The following IQGAP3 variants were observed in gnomAD, a reference collection of about 807,000 sequenced individuals.
IQGAP3 encodes the protein IQ motif containing GTPase activating protein 3.
Under a neutral mutation model 208.2 loss-of-function variants are expected in IQGAP3, and 165 were observed. That is an observed-to-expected ratio of 0.79 (90% CI 0.70 to 0.90). The LOEUF (loss-of-function observed/expected upper bound fraction) is 0.90. Ranked by LOEUF, IQGAP3 falls within the 40% of genes least tolerant of loss-of-function variation. IQGAP3 has a pLI of 0.00. For missense variants in IQGAP3, 1,811 were observed against 2,043.1 expected (o/e 0.89, Z 2.19); for synonymous variants, 703 against 803.6 (o/e 0.87, Z 2.12).
In IQGAP3 at chr1:156,526,619, G is replaced by C. The variant is rs767119729; in HGVS notation, c.4783-20C>G. ...GAGATCCTAGGAGGGAAGAGGCAGG[G>C]AGGGGAGTTTAAGGGCTTCTGAATG... On this transcript the variant is annotated intron_variant, in intron 37 of 37. Coordinates refer to ENST00000361170, the MANE Select transcript of IQGAP3 (RefSeq NM_178229.5). 5.1e-6 allele frequency: 8 copies of C among 1,570,488 alleles called. No homozygotes were observed. In the South Asian group the frequency reaches 8.9e-5, roughly 17 times the overall value.
rs1571310993 is a variant in IQGAP3, at chr1:156,531,314, C to A, written c.4104-67G>T. 1.4e-5 allele frequency: 17 copies of A among 1,230,598 alleles called. No individual in the cohort carries two copies. In the East Asian group the frequency reaches 4.0e-4, roughly 29 times the overall value. 76.2% of individuals were successfully genotyped at this position (1,230,598 alleles called of 1,614,324 possible). A position where few individuals can be genotyped will look rare whatever the true frequency, so the allele number is the denominator to read the frequency against. ...GGGAAGGGCCTGGACATGGGACTGG[C>A]CAGAGGTCTGAGAGTAAGTGGACCG... On this transcript the variant is annotated intron_variant, in intron 32 of 37. Coordinates refer to ENST00000361170, the MANE Select transcript of IQGAP3 (RefSeq NM_178229.5).
rs369044095 is a variant in IQGAP3 at position 156,566,485 on chromosome 1, G to A, written c.187C>T (p.Arg63Trp). Reference sequence around the variant, plus strand: ...AGCTTGGCCAGCAGCACTCCATTCCGAAGGCTCTCCTCCAGCTCCACCGGG... The same window carrying A: ...AGCTTGGCCAGCAGCACTCCATTCCAAAGGCTCTCCTCCAGCTCCACCGGG... ...PSPVELEESL[R>W]NGVLLAKLGH... The change falls in exon 3 of 38, where the codon CGG (arginine) becomes TGG (tryptophan). Residue 63 changes from arginine (R) to tryptophan (W), a missense_variant. By Grantham distance (101) the Arg-to-Trp change is moderately radical (BLOSUM62 -3). Coordinates refer to ENST00000361170, the MANE Select transcript of IQGAP3 (RefSeq NM_178229.5). 16 of 1,613,986 alleles carry A rather than the reference G, an allele frequency of 9.9e-6. No homozygotes were observed. In the East Asian group the frequency reaches 2.0e-4, roughly 20 times the overall value.
chr1:156,531,294 G>C (rs1423385428), intron 32 of IQGAP3, 47 bp from the exon 33 acceptor site: 1 of 1,463,574 alleles, frequency 6.8e-7, no homozygotes, highest in Admixed American at 1.7e-5. Context: ...GGCAGGGGAA[G>C]GGCCTGGACA....
chr1:156,532,510 T>C (rs1490438050), intron 32 of IQGAP3, among the ~76,000 whole-genome samples: 1 of 149,852 alleles, frequency 6.7e-6, no homozygotes, highest in African/African-American at 2.4e-5. Flanking sequence ...GAAGCCACCA[T>C]CTACCTCATA....
rs749235336 is a variant in IQGAP3 at position 156,537,317 on chromosome 1, G to A, written c.3286C>T (p.Leu1096Phe). Residue 1096 changes from leucine (L) to phenylalanine (F), a missense_variant, in exon 27 of 38, where the codon CTC (leucine) becomes TTC (phenylalanine). Coordinates refer to ENST00000361170, the MANE Select transcript of IQGAP3 (RefSeq NM_178229.5). ...TGCTCCGGGGTGACATCATATGGGAGATGGCTATGAGCAGAGAGAGACAAG... is the reference window on the plus strand; with the variant it reads ...TGCTCCGGGGTGACATCATATGGGAAATGGCTATGAGCAGAGAGAGACAAG... Reference protein sequence around the residue: ...TEAQTGQRSHLPYDVTPEQAL... With the variant: ...TEAQTGQRSHFPYDVTPEQAL... 2 of 1,612,168 alleles carry A rather than the reference G, an allele frequency of 1.2e-6. No homozygotes were observed. The highest frequency in any genetic ancestry group is 1.7e-6 in the Non-Finnish European group (2 of 1,179,118).
At position 156,547,064 on chromosome 1, in the gene IQGAP3, C is replaced by T. The variant is rs140239543; in HGVS notation, c.2304+1009G>A. Among the ~76,000 whole-genome samples the T allele has an allele frequency of 3.9e-3, 596 of 152,340 alleles. 3 individuals carry two copies. Among genetic ancestry groups the T allele is most frequent in the South Asian group, 0.03 (147 of 4,830 alleles). On this transcript the variant is annotated intron_variant, in intron 19 of 37. Coordinates refer to ENST00000361170, the MANE Select transcript of IQGAP3 (RefSeq NM_178229.5). Reference sequence around the variant, plus strand: ...TTACATTGCCAGCACCTCCACGAGGCCCTCCAGATCACATCTGCCTGGGAA... The same window carrying T: ...TTACATTGCCAGCACCTCCACGAGGTCCTCCAGATCACATCTGCCTGGGAA...
At chr1:156,528,894 A>G (rs2102349199) in intron 35 of IQGAP3, 22 bp downstream of exon 35, 1 of 1,613,978 alleles carries the variant, frequency 6.2e-7, no homozygotes, top group Middle Eastern at 1.6e-4. Context: ...TAACCTTCCA[A>G]GTACGGGAAA....
At position 156,539,038 on chromosome 1, in the gene IQGAP3, G is replaced by A; in HGVS notation, c.3057-5C>T. 1 of 1,609,582 alleles carries A rather than the reference G, an allele frequency of 6.2e-7. No homozygotes were observed. The highest frequency in any genetic ancestry group is 8.5e-7 in the Non-Finnish European group (1 of 1,176,764). ...TGGGGCTGCTCCACCTTTGACCTGT[G>A]GTTTAAGAGGTCATTGAAACCAGTC... On this transcript the variant is annotated splice_region_variant and splice_polypyrimidine_tract_variant and intron_variant, in intron 25 of 37. Coordinates refer to ENST00000361170, the MANE Select transcript of IQGAP3 (RefSeq NM_178229.5).
chr1:156,548,029 G>C (rs750435678), intron 19 of IQGAP3, 44 bp downstream of exon 19: 1 of 1,569,998 alleles, frequency 6.4e-7, no homozygotes, highest in East Asian at 2.3e-5. Flanking sequence ...CTGGAGCCCA[G>C]ATAAGCCCAG....
chr1:156,529,866 A>T (rs946413629), intron 34 of IQGAP3, among the ~76,000 whole-genome samples: 1 of 146,424 alleles, frequency 6.8e-6, no homozygotes, highest in Admixed American at 7.1e-5. Flanking sequence ...GGTTGCAGTG[A>T]GCCAGGATCA....
At chr1:156,544,545 T>C in intron 19 of IQGAP3, 73 bp from the exon 20 acceptor site, 2 of 1,299,814 alleles carry the variant, frequency 1.5e-6, no homozygotes, top group Non-Finnish European at 2.2e-6. Flanking sequence ...AAGAAAATCT[T>C]TGTCCTGGGC....
intron 15 of IQGAP3, among the ~76,000 whole-genome samples, chr1:156,550,925 G>A (rs112533500): frequency 1.3e-5 from 2 of 152,180 alleles, no homozygotes; most frequent in African/African-American, 4.8e-5. Flanking sequence ...ACCCTTCCTT[G>A]CCTCACACAA....
At chr1:156,545,285 T>C (rs1242709923) in intron 19 of IQGAP3, among the ~76,000 whole-genome samples, 1 of 152,156 alleles carries the variant, frequency 6.6e-6, no homozygotes, top group African/African-American at 2.4e-5. Context: ...GTGGGATTAA[T>C]TTTCCTAAAG....
intron 30 of IQGAP3, 61 bp from the exon 31 acceptor site, chr1:156,533,936 A>G: frequency 6.2e-7 from 1 of 1,605,792 alleles, no homozygotes; most frequent in Non-Finnish European, 8.5e-7. Flanking sequence ...CTCTGGGGCC[A>G]GCCCACTACC....
At chr1:156,562,458 T>C (rs1778828) in intron 9 of IQGAP3, 129 bp downstream of exon 9, 742,246 of 750,808 alleles carry the variant, frequency 0.99, 367,377 homozygotes, top group East Asian at 1. Context: ...CTGATCTTTC[T>C]CCGAGGCAAG....
At chr1:156,545,402 C>T (rs868732037) in intron 19 of IQGAP3, among the ~76,000 whole-genome samples, 1 of 152,108 alleles carries the variant, frequency 6.6e-6, no homozygotes, top group Non-Finnish European at 1.5e-5. Flanking sequence ...CTTAAGGATC[C>T]TAGATGCATC....
At chr1:156,550,238 G>A (rs975286336) in intron 16 of IQGAP3, 23 bp downstream of exon 16, 1 of 1,561,238 alleles carries the variant, frequency 6.4e-7, no homozygotes, top group Middle Eastern at 2.0e-4. Context: ...CCCCTCCCAG[G>A]GTCCCCCAAC....
chr1:156,566,701 G>T (rs1490265178), intron 2 of IQGAP3, among the ~76,000 whole-genome samples, 155 bp from the exon 3 acceptor site: 1 of 151,828 alleles, frequency 6.6e-6, no homozygotes, highest in Non-Finnish European at 1.5e-5. Flanking sequence ...TCTGCCCATT[G>T]CCTGGCTGTT....
intron 1 of IQGAP3, 136 bp downstream of exon 1, chr1:156,572,357 C>G: frequency 1.1e-6 from 1 of 935,802 alleles, no homozygotes; most frequent in South Asian, 1.3e-5. Context: ...TGAGGATTCC[C>G]GTCCCACTGA....
Sources: allele counts gnomAD v4.1 joint callset (sites outside exome capture counted in the v4.1 genomes callset), GRCh38; gene constraint gnomAD v4.1.1; transcripts MANE v1.5; gene names NCBI Gene and HGNC (gene_info 2026-07-23, HGNC 2026-07-21).